The following GAB1 variants were observed in gnomAD, a reference collection of about 807,000 sequenced individuals.
GAB1 encodes GRB2-associated-binding protein 1.
GAB1 carries 19 observed loss-of-function variants against 66.5 expected under a neutral mutation model. That is an observed-to-expected ratio of 0.29 (90% confidence interval 0.20 to 0.42). The LOEUF (loss-of-function observed/expected upper bound fraction) is 0.42. Among genes scored for constraint, GAB1 ranks in the 10% least tolerant of loss-of-function variants. The pLI, the probability that GAB1 is intolerant of heterozygous loss-of-function variation, is 1.00. For synonymous variants in GAB1, 294 were observed against 301.4 expected (o/e 0.98, Z 0.25); for missense variants, 732 against 858.5 (o/e 0.85, Z 1.84).
intron 1 of GAB1, among the ~76,000 whole-genome samples, chr4:143,381,600 T>C (rs1047202869): frequency 1.3e-5 from 2 of 152,218 alleles, no homozygotes; most frequent in African/African-American, 2.4e-5. Flanking sequence ...ATCAAGTACC[T>C]TAATTGATAT....
chr4:143,466,052 G>T, intron 8 of GAB1, 51 bp from the exon 9 acceptor site: 1 of 1,603,054 alleles, frequency 6.2e-7, no homozygotes. Context: ...CAGTACGAGT[G>T]GTATGTCTGG....
At chr4:143,376,854 C>T (rs971318286) in intron 1 of GAB1, 3 of 152,266 alleles carry the variant, frequency 2.0e-5, no homozygotes, top group East Asian at 3.9e-4. Flanking sequence ...CAGACTGAGA[C>T]GCATTGGGAC....
chr4:143,360,957 AC>A (rs1400189938), intron 1 of GAB1, among the ~76,000 whole-genome samples: 8 of 152,216 alleles, frequency 5.3e-5, no homozygotes, highest in African/African-American at 1.7e-4. Context: ...TTCAAAACTT[AC>A]ATTTTTTAAT....
chr4:143,344,961 C>T (rs1277241642), intron 1 of GAB1, among the ~76,000 whole-genome samples: 2 of 152,210 alleles, frequency 1.3e-5, no homozygotes, highest in African/African-American at 2.4e-5. Context: ...GTTGTTATCT[C>T]TGTTACATTA....
chr4:143,415,385 A>G lies in GAB1; in HGVS notation c.73-92A>G, dbSNP rs1578679822. On this transcript the variant is annotated intron_variant, in intron 1 of 9. Transcript: ENST00000262994. Reference sequence around the variant, plus strand: ...CACATATTGTGACTTTCTCTAAACAATGCATTTGTAAAATCAGTTTGATAA... The same window carrying G: ...CACATATTGTGACTTTCTCTAAACAGTGCATTTGTAAAATCAGTTTGATAA... The G allele has an allele frequency of 2.6e-5, 26 of 984,006 alleles. No individual in the cohort carries two copies. The East Asian group carries it at 6.6e-4, about 25-fold the overall frequency. The allele number at this position is 984,006 out of a possible 1,614,324, so 61.0% of individuals were successfully genotyped here.
At chr4:143,345,914 G>C (rs926846575) in intron 1 of GAB1, among the ~76,000 whole-genome samples, 15 of 152,202 alleles carry the variant, frequency 9.9e-5, no homozygotes, top group African/African-American at 3.6e-4. Flanking sequence ...ATAGAAAATA[G>C]AGACAGGGTC....
At chr4:143,390,197 T>C (rs1485879677) in intron 1 of GAB1, among the ~76,000 whole-genome samples, 1 of 152,184 alleles carries the variant, frequency 6.6e-6, no homozygotes, top group African/African-American at 2.4e-5. Context: ...TGTTTCTCAT[T>C]GGCCTGCAGT....
rs1322279292 is a variant in GAB1 at position 143,438,175 on chromosome 4, G to A, written c.770G>A (p.Ser257Asn). ...SRAPSASVDS[S>N]LYNLPRSYSH... ...GCCCCATCTGCTTCAGTTGACTCCA[G>A]CCTTTATAACCTGCCCAGGAGTTAT... The change falls in exon 4 of 10, where the codon AGC becomes AAC. Residue 257 changes from serine to asparagine, a missense_variant. Transcript: ENST00000262994. 3 of 1,613,944 alleles carry A rather than the reference G, an allele frequency of 1.9e-6. No individual in the cohort carries two copies. Among genetic ancestry groups the A allele is most frequent in the Non-Finnish European group, 2.5e-6 (3 of 1,179,988 alleles).
At chr4:143,365,734 C>T (rs887961829) in intron 1 of GAB1, among the ~76,000 whole-genome samples, 4 of 152,286 alleles carry the variant, frequency 2.6e-5, no homozygotes, top group Non-Finnish European at 4.4e-5. Context: ...AGGGAGCTTT[C>T]GTGGCTGGCC....
At chr4:143,374,114 G>T (rs1053315827) in intron 1 of GAB1, among the ~76,000 whole-genome samples, 17 of 151,560 alleles carry the variant, frequency 1.1e-4, no homozygotes, top group Non-Finnish European at 4.4e-5. Context: ...AAGGAGTTTG[G>T]TGTCGTATTT....
intron 6 of GAB1, among the ~76,000 whole-genome samples, chr4:143,445,831 T>C (rs1734485863): frequency 6.6e-6 from 1 of 152,210 alleles, no homozygotes; most frequent in Non-Finnish European, 1.5e-5. Flanking sequence ...TTAGGGTACA[T>C]GTGCACAATG....
intron 2 of GAB1, 109 bp from the exon 3 acceptor site, chr4:143,433,382 T>G: frequency 1.4e-6 from 1 of 729,990 alleles, no homozygotes. Flanking sequence ...GACATTGTCA[T>G]GATTTATTCT....
chr4:143,350,233 T>TTAATGAACAGTATCC, intron 1 of GAB1: 1 of 599,248 alleles, frequency 1.7e-6, no homozygotes, highest in Non-Finnish European at 3.0e-6. Context: ...GATGGATACG[T>TTAATGAACAGTATCC]TGGCCCTGTT....
intron 2 of GAB1, among the ~76,000 whole-genome samples, chr4:143,416,401 C>G (rs1414838851): frequency 6.6e-6 from 1 of 151,836 alleles, no homozygotes; most frequent in Non-Finnish European, 1.5e-5. Flanking sequence ...GAGCGAGACT[C>G]CGTCTCAAAA....
rs1053749497 is a variant in GAB1, at chr4:143,470,651, A to G, written c.*1462A>G. 3 of 152,212 alleles carry G rather than the reference A, an allele frequency of 2.0e-5. No homozygotes were observed. Among genetic ancestry groups the G allele is most frequent in the Admixed American group, 6.5e-5 (1 of 15,286 alleles). The allele number at this position is 152,212 out of a possible 1,614,324, so 9.4% of individuals were successfully genotyped here. ...TTTTAACCAAGTTACATACAATCTCATGTACTGATTTGAGACTTATAACAA... is the reference window on the plus strand; with the variant it reads ...TTTTAACCAAGTTACATACAATCTCGTGTACTGATTTGAGACTTATAACAA... On this transcript the variant is annotated 3_prime_UTR_variant, in exon 10 of 10. Coordinates refer to ENST00000262994, the MANE Select transcript of GAB1 (RefSeq NM_002039.4).
At chr4:143,340,489 CA>C (rs931044411) in intron 1 of GAB1, among the ~76,000 whole-genome samples, 4 of 151,764 alleles carry the variant, frequency 2.6e-5, no homozygotes, top group African/African-American at 4.8e-5. Context: ...TTTTAAGTGA[CA>C]AAAAAATTGT....
At chr4:143,453,035 C>T (rs1735005147) in intron 6 of GAB1, among the ~76,000 whole-genome samples, 1 of 152,180 alleles carries the variant, frequency 6.6e-6, no homozygotes, top group Non-Finnish European at 1.5e-5. Flanking sequence ...GGCCTCCTTA[C>T]ACCTTGGACT....
At chr4:143,465,904 C>A in intron 8 of GAB1, 199 bp from the exon 9 acceptor site, 1 of 428,916 alleles carries the variant, frequency 2.3e-6, no homozygotes, top group Non-Finnish European at 4.1e-6. Flanking sequence ...ACTTTTGAAA[C>A]TACGTTTAGC....
chr4:143,423,823 T>C (rs1309656845), intron 2 of GAB1, among the ~76,000 whole-genome samples: 6 of 113,854 alleles, frequency 5.3e-5, no homozygotes, highest in African/African-American at 1.9e-4. Flanking sequence ...TATATATATA[T>C]ATATATATAT....
Sources: allele counts gnomAD v4.1 joint callset (sites outside exome capture counted in the v4.1 genomes callset), GRCh38; gene constraint gnomAD v4.1.1; transcripts MANE v1.5; gene names NCBI Gene and HGNC (gene_info 2026-07-23, HGNC 2026-07-21).